MALRD1: variants seen among roughly 807,000 people sequenced by gnomAD.
MALRD1 encodes MAM and LDL receptor class A domain containing 1, also known as MAM and LDL-receptor class A domain-containing protein 1.
A neutral mutation model predicts 242.1 loss-of-function variants in MALRD1; 247 were observed. That is an observed-to-expected ratio of 1.02 (90% confidence interval 0.92 to 1.13). MALRD1 has a LOEUF of 1.13. MALRD1 is among the 50% of genes most tolerant of loss of function. The pLI, the probability that MALRD1 is intolerant of heterozygous loss-of-function variation, is 0.00. For missense variants in MALRD1, 2,989 were observed against 2,533.1 expected, an observed-to-expected ratio of 1.18 and a Z score of -3.86; for synonymous variants, 995 against 866.6, an observed-to-expected ratio of 1.15 and a Z score of -2.60.
At chr10:19,558,806 T>A (rs1835837155) in intron 32 of MALRD1, among the ~76,000 whole-genome samples, 2 of 152,168 alleles carry the variant, frequency 1.3e-5, no homozygotes, top group Non-Finnish European at 2.9e-5. Flanking sequence ...TATCTGTTTT[T>A]TCTTGTGTAA....
intron 26 of MALRD1, among the ~76,000 whole-genome samples, chr10:19,353,257 T>G (rs555155242): frequency 6.6e-6 from 1 of 152,270 alleles, no homozygotes; most frequent in Non-Finnish European, 1.5e-5. Flanking sequence ...TCCACCTGCC[T>G]TGGCCTCCCG....
intron 20 of MALRD1, among the ~76,000 whole-genome samples, chr10:19,282,416 ATTTC>A (rs1216418169): frequency 6.6e-6 from 1 of 152,160 alleles, no homozygotes; most frequent in Non-Finnish European, 1.5e-5. Flanking sequence ...TTGAATGAAT[ATTTC>A]TTTTTTATTC....
chr10:19,305,191 T>A (rs1284323138), intron 21 of MALRD1, among the ~76,000 whole-genome samples: 1 of 151,660 alleles, frequency 6.6e-6, no homozygotes, highest in Non-Finnish European at 1.5e-5. Flanking sequence ...TTTTAACATA[T>A]CACGCAGTGG....
At chr10:19,729,980 G>A (rs965429350) in intron 38 of MALRD1, among the ~76,000 whole-genome samples, 2 of 151,312 alleles carry the variant, frequency 1.3e-5, no homozygotes, top group East Asian at 3.9e-4. Flanking sequence ...CTCGTGATCC[G>A]CCCGCCTCGG....
At chr10:19,376,943 C>G (rs537512910) in intron 26 of MALRD1, among the ~76,000 whole-genome samples, 4 of 152,170 alleles carry the variant, frequency 2.6e-5, no homozygotes, top group Non-Finnish European at 4.4e-5. Context: ...AAAAACTATA[C>G]AGGAATAGCA....
intron 2 of MALRD1, among the ~76,000 whole-genome samples, chr10:19,084,362 G>A (rs1835596412): frequency 6.6e-6 from 1 of 151,832 alleles, no homozygotes; most frequent in South Asian, 2.1e-4. Flanking sequence ...GTTTTGACAT[G>A]TTAACATTTG....
rs143583885 is a variant in MALRD1 at position 19,371,673 on chromosome 10, A to G, written c.4442-15855A>G. Among the ~76,000 whole-genome samples the G allele has an allele frequency of 2.0e-3, 306 of 152,232 alleles. 2 individuals are homozygous for G. In the Middle Eastern group the frequency reaches 0.024, roughly 12 times the overall value. The stretch of plus-strand genomic sequence containing the variant: ...GTTTGTTGAAATTTTTGCAAATATT[A>G]TTTCTGAAAGGCATTGTTCTATAAT... On this transcript the variant is annotated intron_variant, in intron 26 of 39. Coordinates refer to ENST00000454679, the MANE Select transcript of MALRD1 (RefSeq NM_001142308.3).
At chr10:19,306,307 T>C (rs866491827) in intron 21 of MALRD1, among the ~76,000 whole-genome samples, 1 of 140,396 alleles carries the variant, frequency 7.1e-6, no homozygotes, top group East Asian at 2.1e-4. Flanking sequence ...GTGTCGTATA[T>C]ATACCGTATA....
intron 1 of MALRD1, among the ~76,000 whole-genome samples, chr10:19,057,730 A>C (rs530575358): frequency 6.6e-6 from 1 of 152,182 alleles, no homozygotes; most frequent in Non-Finnish European, 1.5e-5. Context: ...ATTACATTCT[A>C]GTACAAAATC....
chr10:19,696,877 C>T lies in MALRD1; in HGVS notation c.6314+4323C>T, dbSNP rs565803653. On this transcript the variant is annotated intron_variant, in intron 38 of 39. Coordinates refer to ENST00000454679, the MANE Select transcript of MALRD1 (RefSeq NM_001142308.3). The stretch of plus-strand genomic sequence containing the variant: ...GTTGCAGTGAGCTGAGGTCACGCCA[C>T]CACACTCCAACCTGGGTGACAAAGT... 3.3e-5 allele frequency among the ~76,000 whole-genome samples: 5 copies of T among 152,124 alleles called. No individual in the cohort carries two copies. The East Asian group carries it at 9.7e-4, about 29-fold the overall frequency.
At chr10:19,711,999 A>T (rs913281717) in intron 38 of MALRD1, among the ~76,000 whole-genome samples, 2 of 152,210 alleles carry the variant, frequency 1.3e-5, no homozygotes, top group African/African-American at 4.8e-5. Context: ...GGGGTCTGAC[A>T]TCTCATTTTC....
At chr10:19,421,042 G>A (rs927903825) in intron 28 of MALRD1, among the ~76,000 whole-genome samples, 3 of 152,198 alleles carry the variant, frequency 2.0e-5, no homozygotes, top group African/African-American at 7.2e-5. Flanking sequence ...GAATGATAAA[G>A]ATGAATATTC....
At chr10:19,409,750 A>C (rs1002627944) in intron 28 of MALRD1, among the ~76,000 whole-genome samples, 84 of 152,152 alleles carry the variant, frequency 5.5e-4, no homozygotes, top group African/African-American at 1.9e-3. Flanking sequence ...GTTATCTCAC[A>C]ATAAGAACTT....
chr10:19,530,544 G>GA (rs1235122628), intron 31 of MALRD1, among the ~76,000 whole-genome samples: 3 of 143,608 alleles, frequency 2.1e-5, no homozygotes, highest in Non-Finnish European at 4.5e-5. Flanking sequence ...TTAACTTAAG[G>GA]AAAAAATACA....
intron 20 of MALRD1, among the ~76,000 whole-genome samples, chr10:19,280,799 T>G (rs1211123758): frequency 1.3e-5 from 2 of 152,218 alleles, no homozygotes; most frequent in African/African-American, 4.8e-5. Context: ...AAAATGGGCT[T>G]CTCAGCCAAA....
chr10:19,316,057 A>T (rs902464447), intron 21 of MALRD1, among the ~76,000 whole-genome samples: 1 of 150,912 alleles, frequency 6.6e-6, no homozygotes, highest in Non-Finnish European at 1.5e-5. Context: ...TATTGGTACT[A>T]TTAAACTCCT....
At chr10:19,455,753 C>A (rs546174510) in intron 29 of MALRD1, among the ~76,000 whole-genome samples, 21 of 152,294 alleles carry the variant, frequency 1.4e-4, no homozygotes, top group African/African-American at 4.8e-4. Flanking sequence ...TTCATTTTCA[C>A]ATGTTCCACA....
At chr10:19,710,540 C>T (rs1834059862) in intron 38 of MALRD1, 1 of 151,350 alleles carries the variant, frequency 6.6e-6, no homozygotes, top group Non-Finnish European at 1.5e-5. Flanking sequence ...GGTGTGTATA[C>T]ACATGTTTGT....
intron 30 of MALRD1, among the ~76,000 whole-genome samples, chr10:19,498,237 T>G (rs565062481): frequency 2.6e-5 from 4 of 152,252 alleles, no homozygotes; most frequent in Non-Finnish European, 5.9e-5. Flanking sequence ...GACACAGTTT[T>G]AACTATCATC....
Sources: gnomAD v4.1 joint callset for allele counts (sites outside exome capture counted in the v4.1 genomes callset) on GRCh38, gnomAD v4.1.1 for gene constraint, MANE v1.5 for transcripts, NCBI Gene and HGNC (gene_info 2026-07-23, HGNC 2026-07-21) for gene names.